Variants in NTRK3 observed in about 807,000 individuals in gnomAD.
NTRK3 encodes the protein neurotrophic receptor tyrosine kinase 3.
Under a neutral mutation model 91.7 loss-of-function variants are expected in NTRK3, and 24 were observed. That is an observed-to-expected ratio of 0.26 (90% CI 0.19 to 0.37). The LOEUF is 0.37. NTRK3 is among the 10% of genes least tolerant of loss of function. The pLI, the probability that NTRK3 is intolerant of heterozygous loss-of-function variation, is 1.00. For missense variants in NTRK3, 880 were observed against 1,068.9 expected (o/e 0.82, Z 2.46); for synonymous variants, 483 against 404.0 (o/e 1.20, Z -2.34).
At chr15:88,047,659 T>C (rs775890949) in intron 13 of NTRK3, among the ~76,000 whole-genome samples, 6 of 152,160 alleles carry the variant, frequency 3.9e-5, no homozygotes, top group Non-Finnish European at 7.4e-5. Context: ...AGGTAAGAAA[T>C]TGAAGCCTGC....
At chr15:88,034,600 A>G (rs1459032937) in intron 13 of NTRK3, among the ~76,000 whole-genome samples, 1 of 152,246 alleles carries the variant, frequency 6.6e-6, no homozygotes, top group African/African-American at 2.4e-5. Flanking sequence ...TGCAGCTTGA[A>G]CAATATTTCC....
exon 19 of NTRK3, chr15:87,865,200 T>C (rs1036064876): frequency 1.5e-5 from 3 of 206,670 alleles, no homozygotes; most frequent in African/African-American, 6.8e-5. Flanking sequence ...GAAAATCATG[T>C]ATAGCATTTT....
intron 13 of NTRK3, among the ~76,000 whole-genome samples, chr15:88,075,200 C>G (rs146101585): frequency 6.6e-6 from 1 of 152,210 alleles, no homozygotes; most frequent in Admixed American, 6.5e-5. Context: ...ATGAACTTGA[C>G]CACCCTGGCT....
In NTRK3 at chr15:88,093,083, T is replaced by G. The variant is rs79396743; in HGVS notation, c.1396+33188A>C. ...TTTTTTTGTTTTTTTTGTTTTTTTT[T>G]TTTTGTTGGGGAGACAACCTTATTC... On this transcript the variant is annotated intron_variant, in intron 13 of 18. Coordinates refer to ENST00000394480, the Ensembl canonical transcript of NTRK3. Among the ~76,000 whole-genome samples, 44 of 151,618 alleles carry G rather than the reference T, an allele frequency of 2.9e-4. No individual in the cohort carries two copies. In the South Asian group the frequency reaches 7.9e-3, roughly 27 times the overall value.
chr15:88,054,892 G>T (rs1318779152), intron 13 of NTRK3, among the ~76,000 whole-genome samples: 2 of 152,046 alleles, frequency 1.3e-5, no homozygotes, highest in African/African-American at 4.8e-5. Flanking sequence ...CATGAGAAAG[G>T]TACTCTTAAT....
At chr15:88,175,266 T>A (rs910962042) in intron 5 of NTRK3, among the ~76,000 whole-genome samples, 1 of 152,180 alleles carries the variant, frequency 6.6e-6, no homozygotes, top group Non-Finnish European at 1.5e-5. Context: ...TGGAGCAGCC[T>A]CCATCTGGAA....
intron 5 of NTRK3, among the ~76,000 whole-genome samples, chr15:88,153,706 A>G (rs1425830295): frequency 1.3e-5 from 2 of 152,222 alleles, no homozygotes; most frequent in African/African-American, 2.4e-5. Context: ...TCAATGGGGC[A>G]GCAGATTCAA....
intron 14 of NTRK3, among the ~76,000 whole-genome samples, chr15:87,991,947 A>C (rs2141499758): frequency 6.6e-6 from 1 of 151,684 alleles, no homozygotes; most frequent in South Asian, 2.1e-4. Flanking sequence ...AAAGGCACCC[A>C]GGTCAGTATC....
chr15:87,958,569 C>A (rs368867020), intron 14 of NTRK3, among the ~76,000 whole-genome samples: 2 of 152,014 alleles, frequency 1.3e-5, no homozygotes, highest in South Asian at 2.1e-4. Flanking sequence ...CTCAACGGCT[C>A]AAGCCCCTAG....
intron 5 of NTRK3, among the ~76,000 whole-genome samples, chr15:88,171,815 C>A (rs1185873861): frequency 1.2e-4 from 18 of 152,248 alleles, no homozygotes; most frequent in African/African-American, 4.3e-4. Flanking sequence ...TCTCCCCCTC[C>A]CTCAGTCATT....
At chr15:87,898,189 C>T (rs1040530853) in intron 17 of NTRK3, among the ~76,000 whole-genome samples, 2 of 152,182 alleles carry the variant, frequency 1.3e-5, no homozygotes, top group Non-Finnish European at 2.9e-5. Context: ...TGCCCAATTA[C>T]CCTTACAATG....
intron 17 of NTRK3, among the ~76,000 whole-genome samples, chr15:87,924,115 C>G (rs901148263): frequency 6.6e-6 from 1 of 152,004 alleles, no homozygotes; most frequent in Admixed American, 6.5e-5. Context: ...TTAGTCCTTA[C>G]AGAAAATGCG....
At chr15:88,148,653 G>C (rs1481818766) in intron 5 of NTRK3, among the ~76,000 whole-genome samples, 1 of 152,166 alleles carries the variant, frequency 6.6e-6, no homozygotes, top group East Asian at 1.9e-4. Context: ...ACACTTGCTG[G>C]CCATGGGGAG....
chr15:88,004,389 T>A (rs1350477601), intron 14 of NTRK3, among the ~76,000 whole-genome samples: 1 of 152,148 alleles, frequency 6.6e-6, no homozygotes, highest in Non-Finnish European at 1.5e-5. Context: ...AACGGGCAGA[T>A]AAACTCTCAT....
At chr15:88,107,456 A>G (rs1842468071) in intron 13 of NTRK3, among the ~76,000 whole-genome samples, 1 of 152,184 alleles carries the variant, frequency 6.6e-6, no homozygotes, top group African/African-American at 2.4e-5. Flanking sequence ...AAGAAAATCT[A>G]TGAAGTGCAA....
At chr15:88,013,293 G>A (rs540874701) in intron 14 of NTRK3, among the ~76,000 whole-genome samples, 5 of 152,338 alleles carry the variant, frequency 3.3e-5, no homozygotes, top group South Asian at 4.1e-4. Context: ...AGGTCAGAGC[G>A]TAACCAGATA....
At chr15:87,960,816 C>G (rs1190914697) in intron 14 of NTRK3, among the ~76,000 whole-genome samples, 1 of 152,084 alleles carries the variant, frequency 6.6e-6, no homozygotes, top group Non-Finnish European at 1.5e-5. Flanking sequence ...TTTCCTTGAC[C>G]CGTCCTCCCC....
rs543978457 is a variant in NTRK3 at position 87,915,618 on chromosome 15, G to A, written c.2133+13573C>T. On this transcript the variant is annotated intron_variant, in intron 17 of 18. Coordinates refer to ENST00000394480, the Ensembl canonical transcript of NTRK3. ...AATTTCCCTAAATTCTCTTGAGTAG[G>A]TTCTTCTCCTCTCTAAATTTAGTAT... Among the ~76,000 whole-genome samples, 6 of 152,196 alleles carry A rather than the reference G, an allele frequency of 3.9e-5. No individual in the cohort carries two copies. In the South Asian group the frequency reaches 1.0e-3, roughly 26 times the overall value.
At chr15:88,201,641 G>T (rs530164260) in intron 3 of NTRK3, among the ~76,000 whole-genome samples, 7 of 152,238 alleles carry the variant, frequency 4.6e-5, no homozygotes, top group African/African-American at 1.7e-4. Flanking sequence ...TGGACACAAA[G>T]GCCATTCCTC....
Sources: gnomAD v4.1 joint callset for allele counts (sites outside exome capture counted in the v4.1 genomes callset) on GRCh38, gnomAD v4.1.1 for gene constraint, MANE v1.5 for transcripts, NCBI Gene and HGNC (gene_info 2026-07-23, HGNC 2026-07-21) for gene names.